Variants in DENND4A observed in about 807,000 individuals in gnomAD.
DENND4A encodes the protein C-myc promoter-binding protein.
DENND4A carries 70 observed loss-of-function variants against 199.3 expected under a neutral mutation model. The ratio of observed to expected loss-of-function variants is 0.35; its 90% CI spans 0.29 to 0.43. DENND4A has a LOEUF of 0.43. DENND4A is among the 20% of genes least tolerant of loss of function. The pLI is 1.00. For missense variants in DENND4A, 1,723 were observed against 2,255.8 expected, an observed-to-expected ratio of 0.76 and a Z score of 4.78; for synonymous variants, 686 against 766.9, an observed-to-expected ratio of 0.89 and a Z score of 1.74.
intron 32 of DENND4A, 72 bp downstream of exon 32, chr15:65,664,258 C>T: frequency 1.2e-6 from 1 of 829,444 alleles, no homozygotes. Context: ...AGTATAACTA[C>T]TAATATAAAA....
intron 10 of DENND4A, 54 bp downstream of exon 10, chr15:65,729,480 A>G: frequency 6.5e-7 from 1 of 1,540,638 alleles, no homozygotes. Context: ...TAAGTTATAT[A>G]AATAAACTAA....
At chr15:65,786,238 A>G (rs2077563235) in intron 1 of DENND4A, among the ~76,000 whole-genome samples, 1 of 152,240 alleles carries the variant, frequency 6.6e-6, no homozygotes, top group East Asian at 1.9e-4. Context: ...CTGGAACACT[A>G]TACAGCTGTG....
intron 5 of DENND4A, among the ~76,000 whole-genome samples, chr15:65,741,508 T>TAA (rs1388743586): frequency 5.3e-5 from 8 of 152,208 alleles, no homozygotes; most frequent in Non-Finnish European, 1.0e-4. Context: ...ACCCAAGGCT[T>TAA]AAAATAAAAA....
rs1283982708 is a variant in DENND4A, at chr15:65,702,344, A to G, written c.2391T>C (p.Leu797=). ...CCATCTTCTTTGACTGCATTTTTTTAAGCACATCATATGCTGTTTTCAGAG... is the reference window on the plus strand; with the variant it reads ...CCATCTTCTTTGACTGCATTTTTTTGAGCACATCATATGCTGTTTTCAGAG... ...VRALKTAYDV[L]KKMQSKKMDP... is the part of the protein sequence containing the mutation. Residue 797 remains leucine, a synonymous_variant, in exon 17 of 33, where the codon CTT becomes CTC. Transcript: ENST00000443035. 2.6e-6 allele frequency: 4 copies of G among 1,552,626 alleles called. No homozygotes were observed. Among genetic ancestry groups the G allele is most frequent in the Non-Finnish European group, 3.5e-6 (4 of 1,147,340 alleles).
intron 23 of DENND4A, among the ~76,000 whole-genome samples, chr15:65,689,417 TCTAA>T (rs1273040654): frequency 6.6e-6 from 1 of 152,184 alleles, no homozygotes; most frequent in African/African-American, 2.4e-5. Context: ...CTGTAAGGAT[TCTAA>T]CTGATGTTTT....
intron 14 of DENND4A, among the ~76,000 whole-genome samples, chr15:65,714,193 C>T (rs1231286731): frequency 1.3e-5 from 2 of 151,932 alleles, no homozygotes; most frequent in Non-Finnish European, 2.9e-5. Context: ...GGGCAGATCA[C>T]GAGGTCAGGA....
At position 65,669,775 on chromosome 15, in the gene DENND4A, T is replaced by A. The variant is rs2076161782; in HGVS notation, c.4787+4A>T. 6.2e-7 allele frequency: 1 copy of A among 1,603,824 alleles called. No individual in the cohort carries two copies. The highest frequency in any genetic ancestry group is 8.5e-7 in the Non-Finnish European group (1 of 1,173,098). On this transcript the variant is annotated splice_donor_region_variant and intron_variant, in intron 27 of 32. Coordinates refer to ENST00000443035, the MANE Select transcript of DENND4A (RefSeq NM_001320835.1). ...AAAATATAGTTCCACATAATCATAA[T>A]TACCTATTTAGATCAAAATTCCCTT...
intron 4 of DENND4A, among the ~76,000 whole-genome samples, chr15:65,746,323 G>T (rs140231046): frequency 5.7e-5 from 8 of 141,262 alleles, no homozygotes; most frequent in Non-Finnish European, 1.1e-4. Flanking sequence ...CCAGAATTAG[G>T]TACATGATTT....
chr15:65,756,066 G>T, intron 3 of DENND4A, 74 bp downstream of exon 3: 3 of 1,289,430 alleles, frequency 2.3e-6, no homozygotes, highest in Non-Finnish European at 2.1e-6. Flanking sequence ...TGACCAGAAT[G>T]AACAGTTAAT....
At chr15:65,757,457 G>C (rs556713903) in intron 2 of DENND4A, among the ~76,000 whole-genome samples, 26 of 152,232 alleles carry the variant, frequency 1.7e-4, no homozygotes, top group African/African-American at 6.3e-4. Flanking sequence ...AATTGGAACT[G>C]AGCCACCTAT....
rs190367315 is a variant in DENND4A at position 65,781,781 on chromosome 15, T to C, written c.-102+10229A>G. 2.5e-3 allele frequency among the ~76,000 whole-genome samples: 377 copies of C among 152,286 alleles called. 1 individual carries two copies. Among genetic ancestry groups the C allele is most frequent in the African/African-American group, 8.5e-3 (354 of 41,558 alleles). ...AATGGCCTGGGGAGTAATGGGTAGA[T>C]ACATGGTAACTGAAACTATAGGGAT... On this transcript the variant is annotated intron_variant, in intron 1 of 32. Transcript: ENST00000443035.
In DENND4A at chr15:65,752,472, C is replaced by T; in HGVS notation, c.468G>A (p.Leu156=). Reference sequence around the variant, plus strand: ...TAATAATACATATGTCAGTGACAGCCAACGTATTCTGAGTCATGTTTTCAG... The same window carrying T: ...TAATAATACATATGTCAGTGACAGCTAACGTATTCTGAGTCATGTTTTCAG... ...RASENMTQNT[L]AVTDICIIIP... is the part of the protein sequence containing the mutation. Residue 156 remains leucine (L), a synonymous_variant, in exon 4 of 33, where the codon TTG becomes TTA. Coordinates refer to ENST00000443035, the MANE Select transcript of DENND4A (RefSeq NM_001320835.1). The T allele has an allele frequency of 6.2e-7, 1 of 1,613,522 alleles. No homozygotes were observed. Among genetic ancestry groups the T allele is most frequent in the Non-Finnish European group, 8.5e-7 (1 of 1,179,742 alleles).
At chr15:65,752,274 T>C in intron 4 of DENND4A, 105 bp downstream of exon 4, 1 of 672,614 alleles carries the variant, frequency 1.5e-6, no homozygotes, top group South Asian at 3.7e-5. Context: ...TAAACTATGC[T>C]GTTTTCCAAA....
In DENND4A at chr15:65,671,076, C is replaced by T. The variant is rs145833699; in HGVS notation, c.4464+716G>A. 4.1e-4 allele frequency among the ~76,000 whole-genome samples: 63 copies of T among 152,260 alleles called. 1 individual carries two copies. Among genetic ancestry groups the T allele is most frequent in the African/African-American group, 1.3e-3 (55 of 41,548 alleles). On this transcript the variant is annotated intron_variant, in intron 25 of 32. Coordinates refer to ENST00000443035, the MANE Select transcript of DENND4A (RefSeq NM_001320835.1). ...AGAATGAAAAACATGGTGGAAGAAA[C>T]TGACAACATAATGCCAAAACTACTC...
chr15:65,771,604 A>G, intron 1 of DENND4A: 3 of 1,612,464 alleles, frequency 1.9e-6, no homozygotes, highest in Non-Finnish European at 2.5e-6. Context: ...CTTCTCTTTC[A>G]TGTCCACTAT....
intron 23 of DENND4A, among the ~76,000 whole-genome samples, chr15:65,679,870 G>A (rs2076512477): frequency 6.6e-6 from 1 of 152,070 alleles, no homozygotes; most frequent in African/African-American, 2.4e-5. Flanking sequence ...ACAAAGGAAG[G>A]TTTTACTTTG....
At chr15:65,685,281 C>T (rs2076731229) in intron 23 of DENND4A, among the ~76,000 whole-genome samples, 1 of 152,228 alleles carries the variant, frequency 6.6e-6, no homozygotes, top group Admixed American at 6.5e-5. Context: ...CGCCTGGCAC[C>T]GTGCCCGGCT....
intron 13 of DENND4A, among the ~76,000 whole-genome samples, chr15:65,717,244 T>C (rs2075436440): frequency 6.6e-6 from 1 of 152,174 alleles, no homozygotes; most frequent in Admixed American, 6.5e-5. Flanking sequence ...TAAATGGATT[T>C]CTCTTTCAAA....
At chr15:65,744,081 C>A (rs1456692122) in intron 4 of DENND4A, among the ~76,000 whole-genome samples, 1 of 151,300 alleles carries the variant, frequency 6.6e-6, no homozygotes, top group Non-Finnish European at 1.5e-5. Context: ...GTAATCCAGG[C>A]AAAAATTATG....
Sources: allele counts gnomAD v4.1 joint callset (sites outside exome capture counted in the v4.1 genomes callset), GRCh38; gene constraint gnomAD v4.1.1; transcripts MANE v1.5; gene names NCBI Gene and HGNC (gene_info 2026-07-23, HGNC 2026-07-21).